The following PCDHGA8 variants were observed in gnomAD, a reference collection of about 807,000 sequenced individuals.
PCDHGA8 encodes the protein protocadherin gamma-A8.
Under a neutral mutation model 59.2 loss-of-function variants are expected in PCDHGA8, and 45 were observed. The observed-to-expected ratio is 0.76, with a 90% CI of 0.60 to 0.98. PCDHGA8 has a LOEUF of 0.98. Ranked by LOEUF, PCDHGA8 falls within the 50% of genes least tolerant of loss-of-function variation. The pLI is 0.00. For synonymous variants in PCDHGA8, 531 were observed against 519.0 expected (o/e 1.02, Z -0.32); for missense variants, 1,257 against 1,196.2 (o/e 1.05, Z -0.75).
At chr5:141,498,346 C>T (rs780832000) in intron 2 of PCDHGA8, among the ~76,000 whole-genome samples, 1 of 150,796 alleles carries the variant, frequency 6.6e-6, no homozygotes, top group Non-Finnish European at 1.5e-5. Context: ...ATGGGAAAAG[C>T]CTATGCAAAA....
intron 1 of PCDHGA8, chr5:141,413,772 A>G: frequency 1.9e-6 from 3 of 1,613,226 alleles, no homozygotes; most frequent in Non-Finnish European, 2.5e-6. Context: ...CGGAGCTGGT[A>G]CTGGAGCACT....
At chr5:141,415,285 G>A (rs1561755891) in intron 1 of PCDHGA8, 3 of 1,614,216 alleles carry the variant, frequency 1.9e-6, no homozygotes, top group Non-Finnish European at 2.5e-6. Context: ...GGTGGCCGCG[G>A]TCTCCTGCGT....
At chr5:141,445,357 G>A (rs115045385) in intron 1 of PCDHGA8, among the ~76,000 whole-genome samples, 18 of 152,258 alleles carry the variant, frequency 1.2e-4, no homozygotes, top group Admixed American at 1.1e-3. Context: ...GTCTGCCCAA[G>A]TCTGGTCCTG....
chr5:141,447,356 C>T (rs1158878203), intron 1 of PCDHGA8, among the ~76,000 whole-genome samples: 4 of 152,000 alleles, frequency 2.6e-5, no homozygotes, highest in African/African-American at 9.7e-5. Context: ...TCAGGCTGGT[C>T]TCAAACTCCT....
Position 141,437,685 on chromosome 5 carries a change from G to A in PCDHGA8, c.2424+42448G>A, listed in dbSNP as rs116699614. ...GAAGAGATGTTGATCAAACTGATGA[G>A]GCTAAATCTCAAGAAAGAGACACAG... On this transcript the variant is annotated intron_variant, in intron 1 of 3. Coordinates refer to ENST00000398604, the MANE Select transcript of PCDHGA8 (RefSeq NM_032088.2). Among the ~76,000 whole-genome samples the A allele has an allele frequency of 1.0e-2, 1,519 of 151,976 alleles. 34 individuals carry two copies. The highest frequency in any genetic ancestry group is 0.034 in the African/African-American group (1,425 of 41,440).
At position 141,494,872 on chromosome 5, in the gene PCDHGA8, G is replaced by T. The variant is rs917132299; in HGVS notation, c.2483+7G>T. On this transcript the variant is annotated splice_region_variant and intron_variant, in intron 2 of 3. Transcript: ENST00000398604. The stretch of plus-strand genomic sequence containing the variant: ...AGAGACCCGGCACCAGCGGGTAGGT[G>T]ACTGATTCTCCAGCCCACCCTCTTC... 7 of 1,614,010 alleles carry T rather than the reference G, an allele frequency of 4.3e-6. No homozygotes were observed. The highest frequency in any genetic ancestry group is 1.3e-5 in the African/African-American group (1 of 74,910).
intron 1 of PCDHGA8, chr5:141,411,305 C>T (rs1317785609): frequency 6.6e-6 from 1 of 152,176 alleles, no homozygotes; most frequent in Non-Finnish European, 1.5e-5. Context: ...CCCAGTGGCT[C>T]ACACCTATAA....
intron 1 of PCDHGA8, among the ~76,000 whole-genome samples, chr5:141,461,233 G>T (rs2099011336): frequency 6.6e-6 from 1 of 152,028 alleles, no homozygotes; most frequent in East Asian, 1.9e-4. Context: ...CATAGAGGTT[G>T]TACTAATTTA....
rs769467027 is a variant in PCDHGA8, at chr5:141,477,255, A to G, written c.2425-17552A>G. On this transcript the variant is annotated intron_variant, in intron 1 of 3. Transcript: ENST00000398604. This position sits in a 1 kb window ranked among gnomAD's most constrained non-coding sequence, Gnocchi z 4.9. ...GCTTTGCTCAGTGTGACTGACCTGGATGCTGGCGAGAACGGGCTGGTGACC... is the reference window on the plus strand; with the variant it reads ...GCTTTGCTCAGTGTGACTGACCTGGGTGCTGGCGAGAACGGGCTGGTGACC... 1 of 1,614,146 alleles carries G rather than the reference A, an allele frequency of 6.2e-7. No individual in the cohort carries two copies. Among genetic ancestry groups the G allele is most frequent in the East Asian group, 2.2e-5 (1 of 44,874 alleles).
At chr5:141,415,392 G>T in intron 1 of PCDHGA8, 1 of 1,614,238 alleles carries the variant, frequency 6.2e-7, no homozygotes, top group Non-Finnish European at 8.5e-7. Context: ...TGACAGGTGT[G>T]TCCGGCTCGC....
chr5:141,483,814 C>A (rs1262593892), intron 1 of PCDHGA8, among the ~76,000 whole-genome samples: 4 of 151,994 alleles, frequency 2.6e-5, no homozygotes, highest in African/African-American at 9.7e-5. Flanking sequence ...TTTTTGGCAG[C>A]CAGTGTAACC....
chr5:141,508,867 G>A (rs2099872497), intron 3 of PCDHGA8, among the ~76,000 whole-genome samples: 1 of 152,108 alleles, frequency 6.6e-6, no homozygotes. Flanking sequence ...GGGAAAGGCT[G>A]AAGAGGCTGA....
chr5:141,487,006 G>A lies in PCDHGA8; in HGVS notation c.2425-7801G>A. ...ATGCTTGGGTTTCCTATCAGCTCCT[G>A]GAGGCCCCAGATCCCAGCCTGTTTG... On this transcript the variant is annotated intron_variant, in intron 1 of 3. Transcript: ENST00000398604. This position sits in a 1 kb window ranked among gnomAD's most constrained non-coding sequence, Gnocchi z 5.0. 1 of 1,614,206 alleles carries A rather than the reference G, an allele frequency of 6.2e-7. No homozygotes were observed. The highest frequency in any genetic ancestry group is 8.5e-7 in the Non-Finnish European group (1 of 1,180,042).
chr5:141,400,453 C>T (rs1329103788), intron 1 of PCDHGA8: 1 of 1,614,056 alleles, frequency 6.2e-7, no homozygotes, highest in Admixed American at 1.7e-5. Context: ...ACAAGACATA[C>T]TTTGTGGTGA....
intron 1 of PCDHGA8, among the ~76,000 whole-genome samples, chr5:141,445,652 A>C (rs1307606419): frequency 6.6e-6 from 1 of 152,212 alleles, no homozygotes; most frequent in African/African-American, 2.4e-5. Context: ...TGAATAGATT[A>C]ATAGGATGAG....
chr5:141,428,222 C>A, intron 1 of PCDHGA8: 1 of 1,173,442 alleles, frequency 8.5e-7, no homozygotes, highest in Non-Finnish European at 1.2e-6. Flanking sequence ...CTAGTCTTCG[C>A]AGACAGCCTG....
chr5:141,409,102 G>T, intron 1 of PCDHGA8: 2 of 1,613,996 alleles, frequency 1.2e-6, no homozygotes, highest in Non-Finnish European at 8.5e-7. Flanking sequence ...AAACAGGTAT[G>T]ATTAAGAATA....
Position 141,432,806 on chromosome 5 carries a change from A to G in PCDHGA8, c.2424+37569A>G, listed in dbSNP as rs755248654. 12 of 1,614,070 alleles carry G rather than the reference A, an allele frequency of 7.4e-6. No individual in the cohort carries two copies. Among genetic ancestry groups the G allele is most frequent in the Non-Finnish European group, 9.3e-6 (11 of 1,179,972 alleles). On this transcript the variant is annotated intron_variant, in intron 1 of 3. Transcript: ENST00000398604. This position sits in a 1 kb window ranked among gnomAD's most constrained non-coding sequence, Gnocchi z 6.0. ...CCTCGGCAGCCTCGAGTCTCCAGCT[A>G]ACTCTGAAACCTCAGACCTCACTCT...
At chr5:141,471,111 C>T (rs529680278) in intron 1 of PCDHGA8, among the ~76,000 whole-genome samples, 1 of 146,150 alleles carries the variant, frequency 6.8e-6, no homozygotes, top group African/African-American at 2.6e-5. Flanking sequence ...TGCAGTGGTG[C>T]GATCTTACCT....
Sources: allele counts gnomAD v4.1 joint callset (sites outside exome capture counted in the v4.1 genomes callset), GRCh38; gene constraint gnomAD v4.1.1; non-coding constraint Gnocchi (gnomAD v3.1); transcripts MANE v1.5; gene names NCBI Gene and HGNC (gene_info 2026-07-23, HGNC 2026-07-21).